Variants in PLEKHM1 observed in about 807,000 individuals in gnomAD.
PLEKHM1 encodes the protein pleckstrin homology and RUN domain containing M1.
Under a neutral mutation model 94.3 loss-of-function variants are expected in PLEKHM1, and 28 were observed. That is an observed-to-expected ratio of 0.30 (90% CI 0.22 to 0.41). The LOEUF is 0.41. Among genes scored for constraint, PLEKHM1 ranks in the 10% least tolerant of loss-of-function variants. The pLI is 1.00. For synonymous variants in PLEKHM1, 424 were observed against 581.2 expected, an observed-to-expected ratio of 0.73 and a Z score of 3.89; for missense variants, 907 against 1,358.6, an observed-to-expected ratio of 0.67 and a Z score of 5.22.
In PLEKHM1 at chr17:45,450,512, C is replaced by T. The variant is rs1258355053; in HGVS notation, c.2643+106G>A. On this transcript the variant is annotated intron_variant, in intron 8 of 11. Transcript: ENST00000430334. The stretch of plus-strand genomic sequence containing the variant: ...GCCTGAACCAGTGACCCTGGCTTCC[C>T]TTGTTTAGAGGAGCCAAACTCCTCT... 18 of 1,528,350 alleles carry T rather than the reference C, an allele frequency of 1.2e-5. No individual in the cohort carries two copies. In the East Asian group the frequency reaches 4.0e-4, roughly 34 times the overall value. 94.7% of individuals were successfully genotyped at this position (1,528,350 alleles called of 1,614,324 possible).
chr17:45,482,863 A>G (rs1455438313), intron 1 of PLEKHM1, among the ~76,000 whole-genome samples: 1 of 151,654 alleles, frequency 6.6e-6, no homozygotes, highest in African/African-American at 2.4e-5. Context: ...AGGCTGATTC[A>G]GATACGGAGC....
intron 1 of PLEKHM1, among the ~76,000 whole-genome samples, chr17:45,488,469 C>T (rs966242160): frequency 6.6e-6 from 1 of 152,170 alleles, no homozygotes; most frequent in African/African-American, 2.4e-5. Flanking sequence ...GTATACAACT[C>T]TTAAGTGCTG....
At position 45,452,975 on chromosome 17, in the gene PLEKHM1, TAC is replaced by T. The variant is rs1477336335; in HGVS notation, c.2497+378_2497+379del. ...ATTTTTATAATTAAAAAAAAGGGTG[TAC>T]ACTTATAAAAGCAGCAGAAATATTT... On this transcript the variant is annotated intron_variant, in intron 7 of 11. Transcript: ENST00000430334. 3 of 407,210 alleles carry T rather than the reference TAC, an allele frequency of 7.4e-6. No homozygotes were observed. The East Asian group carries it at 1.5e-4, about 21-fold the overall frequency. The allele number at this position is 407,210 out of a possible 1,614,324, so 25.2% of individuals were successfully genotyped here.
At chr17:45,485,648 A>G (rs1419488690) in intron 1 of PLEKHM1, among the ~76,000 whole-genome samples, 2 of 152,146 alleles carry the variant, frequency 1.3e-5, no homozygotes, top group Non-Finnish European at 2.9e-5. Context: ...CTGTAATCCC[A>G]GCACTTTGGG....
chr17:45,448,008 G>A (rs1192765081), intron 8 of PLEKHM1: 1 of 152,104 alleles, frequency 6.6e-6, no homozygotes, highest in African/African-American at 2.4e-5. Context: ...ACGTTGGTCA[G>A]GCTGGTCTCA....
At chr17:45,451,080 G>C (rs1201901976) in intron 7 of PLEKHM1, among the ~76,000 whole-genome samples, 2 of 150,796 alleles carry the variant, frequency 1.3e-5, no homozygotes, top group East Asian at 3.9e-4. Flanking sequence ...CAGAGCCTGA[G>C]TTCTGCTCCA....
intron 4 of PLEKHM1, among the ~76,000 whole-genome samples, chr17:45,472,551 C>G (rs1198179300): frequency 6.6e-6 from 1 of 152,172 alleles, no homozygotes; most frequent in African/African-American, 2.4e-5. Flanking sequence ...GAACCTAGGT[C>G]ATGCCCTGTG....
chr17:45,464,448 G>A (rs1038259978), intron 5 of PLEKHM1, among the ~76,000 whole-genome samples: 22 of 152,292 alleles, frequency 1.4e-4, no homozygotes, highest in East Asian at 5.8e-4. Context: ...TAAAAAGCAC[G>A]TGGCTAACTG....
At position 45,445,496 on chromosome 17, in the gene PLEKHM1, A is replaced by T. The variant is rs757440256; in HGVS notation, c.2811T>A (p.Ser937Arg). Reference sequence around the variant, plus strand: ...TCTTGCTGAGCTCCTTCAGGGCGCCACTCCGGCACAGGCCCAGGTAATCCC... The same window carrying T: ...TCTTGCTGAGCTCCTTCAGGGCGCCTCTCCGGCACAGGCCCAGGTAATCCC... ...LLGDYLGLCRSGALKELSKRL... is the reference protein window; with the variant it reads ...LLGDYLGLCRRGALKELSKRL... The change falls in exon 9 of 12, where the codon AGT becomes AGA. Residue 937 changes from serine (S) to arginine (R), a missense_variant. Ser to Arg is a moderately radical substitution (Grantham distance 110). Coordinates refer to ENST00000430334, the MANE Select transcript of PLEKHM1 (RefSeq NM_014798.3). This position sits in a 1 kb window ranked among gnomAD's most constrained non-coding sequence, Gnocchi z 4.2. The T allele has an allele frequency of 1.2e-6, 2 of 1,613,784 alleles. No homozygotes were observed. The highest frequency in any genetic ancestry group is 3.3e-5 in the Admixed American group (2 of 60,022).
chr17:45,450,380 C>G (rs1168747424), intron 8 of PLEKHM1, among the ~76,000 whole-genome samples: 1 of 152,212 alleles, frequency 6.6e-6, no homozygotes, highest in East Asian at 1.9e-4. Context: ...GGAAACCATC[C>G]TCAAACTCTT....
chr17:45,458,124 G>A (rs779500280), intron 6 of PLEKHM1, 45 bp downstream of exon 6: 2 of 1,582,194 alleles, frequency 1.3e-6, no homozygotes, highest in Non-Finnish European at 1.7e-6. Context: ...TGAAAGGCCT[G>A]GTCCCTGCAG....
chr17:45,479,921 A>G (rs1182408698), intron 2 of PLEKHM1, among the ~76,000 whole-genome samples: 1 of 152,268 alleles, frequency 6.6e-6, no homozygotes, highest in Non-Finnish European at 1.5e-5. Context: ...AAATCACATA[A>G]GTGATTGGAA....
rs374274137 is a variant in PLEKHM1, at chr17:45,453,482, G to A, written c.2370C>T (p.Gly790=). Residue 790 remains glycine (G), a synonymous_variant, in exon 7 of 12, where the codon GGC becomes GGT. Transcript: ENST00000430334. The surrounding 1 kb of genome is among the most constrained non-coding windows in gnomAD (Gnocchi z 4.1). ...LETAEEAVTL[G]GSLDENCQEV... ...CCTGACAGTTTTCATCCAGGCTCCC[G>A]CCCAGGGTCACCGCCTCCTCGGCTG... The A allele has an allele frequency of 5.0e-6, 8 of 1,607,346 alleles. No individual in the cohort carries two copies. Among genetic ancestry groups the A allele is most frequent in the Admixed American group, 3.4e-5 (2 of 59,224 alleles).
At chr17:45,470,672 T>C (rs1162704238) in intron 4 of PLEKHM1, among the ~76,000 whole-genome samples, 1 of 104,552 alleles carries the variant, frequency 9.6e-6, no homozygotes, top group African/African-American at 4.3e-5. Flanking sequence ...TTTTTTTTTT[T>C]ATTTGAGACT....
chr17:45,442,607 G>C (rs2050483469), intron 9 of PLEKHM1, among the ~76,000 whole-genome samples: 1 of 152,210 alleles, frequency 6.6e-6, no homozygotes, highest in South Asian at 2.1e-4. Flanking sequence ...GTTTCACTAT[G>C]TTGGCCAGGC....
At chr17:45,435,818 A>T (rs1025132974), downstream of PLEKHM1, 17 of 393,438 alleles carry the variant, frequency 4.3e-5, no homozygotes, top group African/African-American at 3.5e-4. Flanking sequence ...ACATGAGGGT[A>T]GGGGACCCTG....
chr17:45,457,588 G>A (rs2051005210), intron 6 of PLEKHM1, among the ~76,000 whole-genome samples: 1 of 151,906 alleles, frequency 6.6e-6, no homozygotes, highest in Non-Finnish European at 1.5e-5. Context: ...AGCCAGGTGT[G>A]GTGGCAGGTA....
At chr17:45,435,110 C>T (rs1302208527), downstream of PLEKHM1, among the ~76,000 whole-genome samples, 1 of 152,128 alleles carries the variant, frequency 6.6e-6, no homozygotes, top group Non-Finnish European at 1.5e-5. Context: ...CCTCCCTCTC[C>T]CAGTTTCTCT....
In PLEKHM1 at chr17:45,475,243, G is replaced by A. The variant is rs1287458725; in HGVS notation, c.780C>T (p.Ser260=). Residue 260 remains serine (S), a synonymous_variant, in exon 4 of 12, where the codon TCC becomes TCT. Coordinates refer to ENST00000430334, the MANE Select transcript of PLEKHM1 (RefSeq NM_014798.3). ...SSLSLDTASS[S]QLSCSLNSDS... is the part of the protein sequence containing the mutation. ...CAGAGTTTAGGCTGCAGGACAGCTG[G>A]GATGAACTGGCCGTGTCCAGGCTGA... is the stretch of plus-strand genomic sequence containing the variant. The A allele has an allele frequency of 4.3e-6, 7 of 1,614,034 alleles. No homozygotes were observed. The highest frequency in any genetic ancestry group is 5.9e-6 in the Non-Finnish European group (7 of 1,179,882).
Sources: allele counts gnomAD v4.1 joint callset (sites outside exome capture counted in the v4.1 genomes callset), GRCh38; gene constraint gnomAD v4.1.1; non-coding constraint Gnocchi (gnomAD v3.1); transcripts MANE v1.5; gene names NCBI Gene and HGNC (gene_info 2026-07-23, HGNC 2026-07-21).